Variants in ZDHHC21 observed in about 807,000 individuals in gnomAD.
The protein encoded by ZDHHC21 is palmitoyltransferase ZDHHC21.
Under a neutral mutation model 34.6 loss-of-function variants are expected in ZDHHC21, and 15 were observed. The observed-to-expected ratio is 0.43, with a 90% confidence interval of 0.29 to 0.67. The LOEUF (loss-of-function observed/expected upper bound fraction) is 0.67. Among genes scored for constraint, ZDHHC21 ranks in the 30% least tolerant of loss-of-function variants. The pLI is 0.14. For missense variants in ZDHHC21, 344 were observed against 327.7 expected, an observed-to-expected ratio of 1.05 and a Z score of -0.38; for synonymous variants, 142 against 101.8, an observed-to-expected ratio of 1.40 and a Z score of -2.38.
intron 3 of ZDHHC21, among the ~76,000 whole-genome samples, chr9:14,678,109 A>T (rs575369144): frequency 6.6e-6 from 1 of 152,194 alleles, no homozygotes; most frequent in East Asian, 1.9e-4. Flanking sequence ...AATTCAACTC[A>T]GACTTCAAGG....
rs185449055 is a variant in ZDHHC21 at position 14,624,268 on chromosome 9, G to A, written c.622-4586C>T. On this transcript the variant is annotated intron_variant, in intron 8 of 9. Transcript: ENST00000380916. ...ACACCATTTTACATAAGGAACAGGA[G>A]CCTCAATGGATTCCGATATCCCTGT... is the stretch of plus-strand genomic sequence containing the variant. Among the ~76,000 whole-genome samples the A allele has an allele frequency of 7.4e-4, 113 of 152,144 alleles. 1 individual carries two copies. Among genetic ancestry groups the A allele is most frequent in the African/African-American group, 2.7e-3 (110 of 41,502 alleles).
the ZDHHC21 span, among the ~76,000 whole-genome samples, chr9:14,590,994 ATGT>A: frequency 1.3e-5 from 2 of 152,148 alleles, no homozygotes; most frequent in African/African-American, 4.8e-5. Flanking sequence ...TAGAAGCAAA[ATGT>A]TGTGTGTTTT....
rs1235993976 is a variant in ZDHHC21 at position 14,625,764 on chromosome 9, GACT to G, written c.622-6085_622-6083del. ...TTATAATGAAAAATAAAATAATAGG[GACT>G]ACAAGAGACTACACATATAAAATCC... On this transcript the variant is annotated intron_variant, in intron 8 of 9. Transcript: ENST00000380916. 4.6e-5 allele frequency among the ~76,000 whole-genome samples: 7 copies of G among 151,808 alleles called. No homozygotes were observed. In the East Asian group the frequency reaches 9.6e-4, roughly 21 times the overall value.
intron 8 of ZDHHC21, among the ~76,000 whole-genome samples, chr9:14,633,370 T>C (rs1283230024): frequency 6.6e-6 from 1 of 151,858 alleles, no homozygotes; most frequent in Non-Finnish European, 1.5e-5. Context: ...TGCCCAACAT[T>C]CCCACTGCAG....
rs566205175 is a variant in ZDHHC21 at position 14,658,915 on chromosome 9, A to G, written c.366-28T>C. The G allele has an allele frequency of 3.1e-5, 49 of 1,589,574 alleles. No homozygotes were observed. The African/African-American group carries it at 3.3e-4, about 11-fold the overall frequency. ...AAAGAAAAAAAATGAAAAAGAAACA[A>G]TATTTTAAATTTCAAGAAGTTCACC... On this transcript the variant is annotated intron_variant, in intron 6 of 9. Coordinates refer to ENST00000380916, the MANE Select transcript of ZDHHC21 (RefSeq NM_178566.6).
chr9:14,664,764 C>G (rs1834097343), intron 5 of ZDHHC21, among the ~76,000 whole-genome samples: 1 of 151,882 alleles, frequency 6.6e-6, no homozygotes, highest in South Asian at 2.1e-4. Flanking sequence ...GCAGGGTATT[C>G]CAACAGACCT....
chr9:14,604,171 G>C, the ZDHHC21 span, among the ~76,000 whole-genome samples: 1 of 151,886 alleles, frequency 6.6e-6, no homozygotes, highest in South Asian at 2.1e-4. Flanking sequence ...AGTGTAAATT[G>C]GTTTGACTAA....
Position 14,687,338 on chromosome 9 carries a change from A to G in ZDHHC21, c.-176+2999T>C, listed in dbSNP as rs1054917440. Among the ~76,000 whole-genome samples, 7 of 150,818 alleles carry G rather than the reference A, an allele frequency of 4.6e-5. 1 individual carries two copies. The highest frequency in any genetic ancestry group is 1.7e-4 in the African/African-American group (7 of 40,130). Reference sequence around the variant, plus strand: ...CGTATTTCAGTACTAGATAAACACCACTACCTCTGAGAAATGAAATCTCAT... The same window carrying G: ...CGTATTTCAGTACTAGATAAACACCGCTACCTCTGAGAAATGAAATCTCAT... On this transcript the variant is annotated intron_variant, in intron 2 of 9. Transcript: ENST00000380916.
At chr9:14,662,132 C>G in intron 6 of ZDHHC21, 83 bp downstream of exon 6, 1 of 845,404 alleles carries the variant, frequency 1.2e-6, no homozygotes, top group Non-Finnish European at 1.8e-6. Flanking sequence ...TTTAACATAA[C>G]TGTTGTTTAA....
chr9:14,591,593 A>AT, the ZDHHC21 span, among the ~76,000 whole-genome samples: 1 of 152,224 alleles, frequency 6.6e-6, no homozygotes, highest in Non-Finnish European at 1.5e-5. Flanking sequence ...TCATGAAGTT[A>AT]TATGAAATGT....
chr9:14,683,156 G>A (rs557716309), intron 2 of ZDHHC21, among the ~76,000 whole-genome samples: 1 of 152,018 alleles, frequency 6.6e-6, no homozygotes, highest in Non-Finnish European at 1.5e-5. Flanking sequence ...ACATTCAAAA[G>A]CTACCAGAAG....
At chr9:14,654,173 G>A (rs1831764910) in intron 7 of ZDHHC21, among the ~76,000 whole-genome samples, 2 of 151,980 alleles carry the variant, frequency 1.3e-5, no homozygotes, top group South Asian at 4.1e-4. Context: ...TTTTTCAGCT[G>A]AGACCCCGAA....
intron 8 of ZDHHC21, among the ~76,000 whole-genome samples, chr9:14,631,100 A>G (rs1827264963): frequency 6.6e-6 from 1 of 152,238 alleles, no homozygotes; most frequent in East Asian, 1.9e-4. Flanking sequence ...CTGTAGCCAC[A>G]GAAGTCCTAC....
At chr9:14,594,658 A>G in the ZDHHC21 span, among the ~76,000 whole-genome samples, 2 of 152,248 alleles carry the variant, frequency 1.3e-5, no homozygotes, top group Non-Finnish European at 2.9e-5. Context: ...CCTCTTAGAT[A>G]ATATCAAAAG....
intron 8 of ZDHHC21, among the ~76,000 whole-genome samples, chr9:14,629,168 T>C (rs1336772823): frequency 1.3e-5 from 2 of 152,224 alleles, no homozygotes; most frequent in African/African-American, 2.4e-5. Context: ...GTAATTGCTA[T>C]AGATACCAGC....
intron 6 of ZDHHC21, 47 bp downstream of exon 6, chr9:14,662,168 T>A (rs940062073): frequency 1.4e-6 from 2 of 1,393,026 alleles, no homozygotes; most frequent in African/African-American, 2.9e-5. Context: ...AGATTTACAT[T>A]TTATTACCCA....
intron 5 of ZDHHC21, among the ~76,000 whole-genome samples, chr9:14,663,973 C>T (rs566479314): frequency 6.6e-6 from 1 of 152,246 alleles, no homozygotes; most frequent in East Asian, 1.9e-4. Context: ...CCCAAACATC[C>T]CAGTGTTAAA....
At chr9:14,679,525 T>A (rs1837004905) in intron 3 of ZDHHC21, among the ~76,000 whole-genome samples, 2 of 152,292 alleles carry the variant, frequency 1.3e-5, no homozygotes, top group South Asian at 2.1e-4. Context: ...CCAGCCAAAC[T>A]GTTCTCAATG....
Position 14,672,832 on chromosome 9 carries a change from C to G in ZDHHC21, c.251G>C (p.Gly84Ala), listed in dbSNP as rs866362490. The G allele has an allele frequency of 2.5e-6, 4 of 1,603,732 alleles. No homozygotes were observed. Among genetic ancestry groups the G allele is most frequent in the Non-Finnish European group, 2.6e-6 (3 of 1,173,060 alleles). Residue 84 changes from glycine to alanine, a missense_variant and splice_region_variant, in exon 5 of 10, where the codon GGA becomes GCA. Coordinates refer to ENST00000380916, the MANE Select transcript of ZDHHC21 (RefSeq NM_178566.6). ...CTGATAAATCCAGAGTACCATACCT[C>G]CATGTGGGATCTTGGGGTTCTCAGG... ...RLPENPKIPH[G>A]EREFWELCNK...
Sources: allele counts gnomAD v4.1 joint callset (sites outside exome capture counted in the v4.1 genomes callset), GRCh38; gene constraint gnomAD v4.1.1; transcripts MANE v1.5; gene names NCBI Gene and HGNC (gene_info 2026-07-23, HGNC 2026-07-21).